The following CCDC33 variants were observed in gnomAD, a reference collection of about 807,000 sequenced individuals.
The protein encoded by CCDC33 is coiled-coil domain containing 33.
CCDC33 carries 94 observed loss-of-function variants against 91.9 expected under a neutral mutation model. The ratio of observed to expected loss-of-function variants is 1.02; its 90% CI spans 0.87 to 1.21. The LOEUF (loss-of-function observed/expected upper bound fraction) is 1.21. Ranked by LOEUF, CCDC33 falls within the 50% of genes most tolerant of loss-of-function variation. CCDC33 has a pLI of 0.00. For missense variants in CCDC33, 940 were observed against 935.5 expected, an observed-to-expected ratio of 1.00 and a Z score of -0.06; for synonymous variants, 396 against 374.5, an observed-to-expected ratio of 1.06 and a Z score of -0.66.
chr15:74,288,672 C>T (rs192964744), intron 10 of CCDC33, among the ~76,000 whole-genome samples: 105 of 152,254 alleles, frequency 6.9e-4, no homozygotes, highest in African/African-American at 2.5e-3. Context: ...TTTATCTCAG[C>T]CCATCTTCTA....
At chr15:74,243,078 G>T (rs773311999) in intron 1 of CCDC33, among the ~76,000 whole-genome samples, 13 of 152,226 alleles carry the variant, frequency 8.5e-5, no homozygotes, top group Non-Finnish European at 1.5e-4. Context: ...GAATCCACAA[G>T]TTACTAAGCT....
chr15:74,333,372 G>GC, intron 16 of CCDC33: 5 of 1,410,338 alleles, frequency 3.5e-6, no homozygotes, highest in South Asian at 1.2e-5. Flanking sequence ...CACCTCTGAA[G>GC]ATGCTTCAGG....
In CCDC33 at chr15:74,244,122, C is replaced by A. The variant is rs1566964921; in HGVS notation, c.159C>A (p.Gly53=). Reference sequence around the variant, plus strand: ...CCAACCTGCCTGCCTGCAAGGATGGCTCCGAGCCGTGGCCCTATGTGGTGG... The same window carrying A: ...CCAACCTGCCTGCCTGCAAGGATGGATCCGAGCCGTGGCCCTATGTGGTGG... The part of the protein sequence containing the change: ...GATNLPACKD[G]SEPWPYVVVK... Residue 53 remains glycine (G), a synonymous_variant, in exon 2 of 19, where the codon GGC becomes GGA. Transcript: ENST00000398814. The surrounding 1 kb of genome is among the most constrained non-coding windows in gnomAD (Gnocchi z 4.2). The A allele has an allele frequency of 4.3e-6, 7 of 1,613,398 alleles. No homozygotes were observed. Among genetic ancestry groups the A allele is most frequent in the Middle Eastern group, 1.6e-4 (1 of 6,074 alleles).
chr15:74,222,922 C>G (rs908618685), intron 2 of CCDC33, among the ~76,000 whole-genome samples: 1 of 151,994 alleles, frequency 6.6e-6, no homozygotes, highest in Admixed American at 6.6e-5. Flanking sequence ...TCCCCCCGCC[C>G]CCATGGCCTG....
chr15:74,219,815 G>A (rs1235181569), intron 2 of CCDC33, among the ~76,000 whole-genome samples: 1 of 152,158 alleles, frequency 6.6e-6, no homozygotes. Flanking sequence ...TGGGCTTTGG[G>A]GAGGGTATTC....
In CCDC33 at chr15:74,218,631, C is replaced by T. The variant is rs775705811; in HGVS notation, c.445C>T (p.Arg149Cys). Residue 149 changes from arginine to cysteine, a missense_variant, in exon 2 of 3, where the codon CGC becomes TGC. By Grantham distance (180) the Arg-to-Cys change is radical. Coordinates refer to the CCDC33 transcript ENST00000635913. The surrounding 1 kb of genome is among the most constrained non-coding windows in gnomAD (Gnocchi z 4.8). ...CATCTACCCGAGGCCAGACCAACCC[C>T]GCATGAACCCAAAGGCTCAGGATCA... 4.0e-5 allele frequency: 51 copies of T among 1,289,754 alleles called. 1 individual carries two copies. Among genetic ancestry groups the T allele is most frequent in the Admixed American group, 9.2e-5 (4 of 43,552 alleles). The allele number at this position is 1,289,754 out of a possible 1,614,324, so 79.9% of individuals were successfully genotyped here. A position where few individuals can be genotyped will look rare whatever the true frequency, so the allele number is the denominator to read the frequency against.
chr15:74,268,403 T>C lies in CCDC33; in HGVS notation c.491T>C (p.Val164Ala), dbSNP rs554529518. The C allele has an allele frequency of 2.5e-6, 4 of 1,613,312 alleles. No homozygotes were observed. The highest frequency in any genetic ancestry group is 1.3e-5 in the African/African-American group (1 of 74,936). The change falls in exon 5 of 19, where the codon GTT becomes GCT. Residue 164 changes from valine (V) to alanine (A), a missense_variant. Physicochemically the swap from Val to Ala is moderately conservative, Grantham distance 64. Transcript: ENST00000398814. ...AAGACCCAGTTGTACGCAACAGTCGTTCGGAAGAGCAGCTTCATACCCCGC... is the reference window on the plus strand; with the variant it reads ...AAGACCCAGTTGTACGCAACAGTCGCTCGGAAGAGCAGCTTCATACCCCGC... ...TAKTQLYATV[V>A]RKSSFIPRYI... is the part of the protein sequence containing the mutation.
chr15:74,286,888 A>C (rs917405494), intron 10 of CCDC33, among the ~76,000 whole-genome samples: 1 of 152,130 alleles, frequency 6.6e-6, no homozygotes. Context: ...CCATGGTCCC[A>C]TCTGACCTTC....
At position 74,335,085 on chromosome 15, in the gene CCDC33, GCCTGTGAGTGACCCC is replaced by G; in HGVS notation, c.2139+2_2139+16del. ...CCTCGAACTCCATCATCATAGAACA[GCCTGTGAGTGACCCC>G]CCTGGAGTAGCTCCCAGGGGTTCAG... On this transcript the variant is annotated splice_donor_variant and splice_donor_5th_base_variant and coding_sequence_variant and intron_variant, in exon 18 of 19. Transcript: ENST00000398814. LOFTEE classifies it high-confidence loss of function. 1 of 1,611,544 alleles carries G rather than the reference GCCTGTGAGTGACCCC, an allele frequency of 6.2e-7. No homozygotes were observed. The highest frequency in any genetic ancestry group is 2.2e-5 in the East Asian group (1 of 44,876).
intron 2 of CCDC33, among the ~76,000 whole-genome samples, chr15:74,258,680 A>ATG (rs376720899): frequency 6.6e-6 from 1 of 151,858 alleles, no homozygotes; most frequent in East Asian, 1.9e-4. Context: ...GTATGTGTGG[A>ATG]TGTGTGTGTG....
At chr15:74,285,719 G>T (rs1186800195) in intron 10 of CCDC33, among the ~76,000 whole-genome samples, 1 of 152,058 alleles carries the variant, frequency 6.6e-6, no homozygotes, top group Non-Finnish European at 1.5e-5. Flanking sequence ...AAGGTGGTTG[G>T]TTGGTGATGG....
At chr15:74,258,654 G>A (rs1438963612) in intron 2 of CCDC33, among the ~76,000 whole-genome samples, 1 of 152,164 alleles carries the variant, frequency 6.6e-6, no homozygotes, top group Non-Finnish European at 1.5e-5. Flanking sequence ...GCGCATGTGT[G>A]TGCATGTGTG....
chr15:74,241,895 T>A (rs1399345735), intron 1 of CCDC33, among the ~76,000 whole-genome samples: 1 of 152,064 alleles, frequency 6.6e-6, no homozygotes, highest in East Asian at 1.9e-4. Flanking sequence ...ACTAGAACAA[T>A]GGCATCGCCA....
At chr15:74,229,870 C>T (rs2074913104) in intron 2 of CCDC33, among the ~76,000 whole-genome samples, 1 of 152,218 alleles carries the variant, frequency 6.6e-6, no homozygotes, top group Non-Finnish European at 1.5e-5. Context: ...AGATCCTGTC[C>T]CAGAGAAGCC....
At chr15:74,248,835 C>T (rs2075617109) in intron 2 of CCDC33, among the ~76,000 whole-genome samples, 1 of 152,148 alleles carries the variant, frequency 6.6e-6, no homozygotes, top group African/African-American at 2.4e-5. Context: ...CAATCTGACC[C>T]CACTTCTCCA....
intron 2 of CCDC33, among the ~76,000 whole-genome samples, chr15:74,222,918 C>G (rs544787787): frequency 5.9e-5 from 9 of 152,038 alleles, no homozygotes; most frequent in East Asian, 5.8e-4. Flanking sequence ...TCACTCCCCC[C>G]GCCCCCATGG....
At chr15:74,254,179 C>T (rs552100990) in intron 2 of CCDC33, among the ~76,000 whole-genome samples, 9 of 151,128 alleles carry the variant, frequency 6.0e-5, no homozygotes, top group South Asian at 2.1e-4. Flanking sequence ...ATTACAGGCG[C>T]GCGCCACCAC....
chr15:74,313,242 C>T (rs111941692), intron 11 of CCDC33, among the ~76,000 whole-genome samples: 34 of 152,166 alleles, frequency 2.2e-4, no homozygotes, highest in African/African-American at 8.2e-4. Context: ...AGGTGGCCCA[C>T]CCAGATAACT....
At chr15:74,215,627 G>A (rs1288176835), upstream of CCDC33, among the ~76,000 whole-genome samples, 1 of 152,140 alleles carries the variant, frequency 6.6e-6, no homozygotes, top group Non-Finnish European at 1.5e-5. Context: ...GCAAGAAATA[G>A]GAGTGGGTGT....
Sources: gnomAD v4.1 joint callset for allele counts (sites outside exome capture counted in the v4.1 genomes callset) on GRCh38, gnomAD v4.1.1 for gene constraint, Gnocchi (gnomAD v3.1) non-coding constraint, MANE v1.5 for transcripts, NCBI Gene and HGNC (gene_info 2026-07-23, HGNC 2026-07-21) for gene names.